The following NBEA variants were observed in gnomAD, a reference collection of about 807,000 sequenced individuals.
The protein encoded by NBEA is lysosomal-trafficking regulator 2.
In NBEA, 44 loss-of-function variants were observed where a neutral mutation model predicts 343.4. The observed-to-expected ratio is 0.13, with a 90% CI of 0.10 to 0.16. NBEA has a LOEUF of 0.16. NBEA is among the 10% of genes least tolerant of loss of function. NBEA has a pLI of 1.00. For synonymous variants in NBEA, 1,175 were observed against 1,238.7 expected (o/e 0.95, Z 1.08); for missense variants, 2,555 against 3,631.3 (o/e 0.70, Z 7.62).
chr13:35,435,355 A>G (rs915340278), intron 39 of NBEA, among the ~76,000 whole-genome samples: 2 of 152,250 alleles, frequency 1.3e-5, no homozygotes, highest in Middle Eastern at 3.4e-3. Context: ...GTAAAATTTG[A>G]CTGGGGTCCA....
At chr13:34,975,737 A>G (rs920282762) in intron 1 of NBEA, among the ~76,000 whole-genome samples, 5 of 152,220 alleles carry the variant, frequency 3.3e-5, no homozygotes, top group African/African-American at 1.2e-4. Flanking sequence ...GCAAGAAAAA[A>G]AAAATCCCAT....
At chr13:35,346,223 C>A (rs1424475275) in intron 36 of NBEA, among the ~76,000 whole-genome samples, 1 of 152,074 alleles carries the variant, frequency 6.6e-6, no homozygotes, top group Non-Finnish European at 1.5e-5. Flanking sequence ...TCCCTTCCTG[C>A]TGTCTCCTGT....
At chr13:34,999,381 C>G (rs1484406139) in intron 1 of NBEA, among the ~76,000 whole-genome samples, 3 of 152,014 alleles carry the variant, frequency 2.0e-5, no homozygotes, top group African/African-American at 7.2e-5. Context: ...CAGCTCTCCC[C>G]CAATACTCTC....
intron 28 of NBEA, chr13:35,179,740 A>T: frequency 1.0e-6 from 1 of 982,402 alleles, no homozygotes; most frequent in Non-Finnish European, 1.2e-6. Flanking sequence ...TTAGAAATAG[A>T]AGTATTATGG....
chr13:35,500,267 G>C (rs2076834574), intron 41 of NBEA, among the ~76,000 whole-genome samples: 1 of 152,050 alleles, frequency 6.6e-6, no homozygotes, highest in African/African-American at 2.4e-5. Context: ...ATCCAATTAG[G>C]AGTTTAACAA....
At position 35,555,123 on chromosome 13, in the gene NBEA, A is replaced by G. The variant is rs762438965; in HGVS notation, c.6922+21A>G. ...TGCAGGTAAGATGTCTCATTCTTTA[A>G]TCTAATAATATGTTTATGTTCATCA... On this transcript the variant is annotated intron_variant, in intron 44 of 58. Coordinates refer to ENST00000379939, the MANE Select transcript of NBEA (RefSeq NM_001385012.1). 4.7e-6 allele frequency: 6 copies of G among 1,282,776 alleles called. No individual in the cohort carries two copies. In the East Asian group the frequency reaches 1.4e-4, roughly 30 times the overall value. The allele number at this position is 1,282,776 out of a possible 1,614,324, so 79.5% of individuals were successfully genotyped here.
At chr13:35,160,107 T>G in intron 22 of NBEA, 75 bp downstream of exon 22, 2 of 1,273,114 alleles carry the variant, frequency 1.6e-6, no homozygotes, top group South Asian at 3.2e-5. Flanking sequence ...ACAGAGTAAT[T>G]TCTTATCAGT....
chr13:35,603,675 C>T (rs1395029106), intron 47 of NBEA, among the ~76,000 whole-genome samples: 2 of 152,150 alleles, frequency 1.3e-5, no homozygotes, highest in Non-Finnish European at 2.9e-5. Context: ...GCTTCTGTAG[C>T]CTCGTTGTAG....
intron 1 of NBEA, among the ~76,000 whole-genome samples, chr13:34,977,822 T>G (rs2060230188): frequency 1.6e-5 from 2 of 126,926 alleles, no homozygotes; most frequent in Non-Finnish European, 3.6e-5. Context: ...AATTTAAAGT[T>G]CTTTTTTTTT....
chr13:35,481,981 A>G (rs986132293), intron 41 of NBEA, among the ~76,000 whole-genome samples: 2 of 151,826 alleles, frequency 1.3e-5, no homozygotes, highest in African/African-American at 4.8e-5. Flanking sequence ...TGCTCTCATT[A>G]CTGTTTCATA....
intron 38 of NBEA, among the ~76,000 whole-genome samples, chr13:35,379,382 C>T (rs1259914739): frequency 6.6e-6 from 1 of 151,998 alleles, no homozygotes; most frequent in Admixed American, 6.6e-5. Flanking sequence ...AGCCTTTGGT[C>T]CATTGTTCTA....
At chr13:35,148,134 G>A (rs79682786) in intron 18 of NBEA, among the ~76,000 whole-genome samples, 7 of 152,214 alleles carry the variant, frequency 4.6e-5, no homozygotes, top group East Asian at 3.9e-4. Context: ...GCTGGTGTTC[G>A]GGCTCTTGAT....
intron 6 of NBEA, among the ~76,000 whole-genome samples, chr13:35,052,754 T>C (rs558467613): frequency 6.6e-6 from 1 of 152,176 alleles, no homozygotes; most frequent in East Asian, 1.9e-4. Context: ...ACTTTTCTTG[T>C]AAATAAGTAC....
chr13:35,447,163 C>T (rs1199449372), intron 39 of NBEA, among the ~76,000 whole-genome samples: 1 of 152,052 alleles, frequency 6.6e-6, no homozygotes, highest in Non-Finnish European at 1.5e-5. Context: ...TGCCTTGATC[C>T]TGTGGCCATT....
intron 31 of NBEA, 53 bp from the exon 32 acceptor site, chr13:35,208,647 T>A: frequency 6.9e-7 from 1 of 1,445,990 alleles, no homozygotes; most frequent in African/African-American, 1.4e-5. Context: ...AGCAGGATTA[T>A]AATTCATCTT....
rs551647890 is a variant in NBEA, at chr13:35,529,755, C to T, written c.6586-20722C>T. ...ATAGACAGGGCCCAAGCTGTCATGT[C>T]CTCAGTGGGTTGTATTTATTTATAA... On this transcript the variant is annotated intron_variant, in intron 41 of 58. Transcript: ENST00000379939. Among the ~76,000 whole-genome samples the T allele has an allele frequency of 2.0e-5, 3 of 152,294 alleles. No individual in the cohort carries two copies. In the East Asian group the frequency reaches 5.8e-4, roughly 29 times the overall value.
intron 36 of NBEA, among the ~76,000 whole-genome samples, chr13:35,313,168 C>T (rs1327304678): frequency 6.6e-6 from 1 of 152,166 alleles, no homozygotes; most frequent in Non-Finnish European, 1.5e-5. Context: ...TTTGAGGAAT[C>T]AGCTTAAATG....
chr13:35,221,218 C>G (rs2074347984), intron 33 of NBEA, among the ~76,000 whole-genome samples: 1 of 151,954 alleles, frequency 6.6e-6, no homozygotes, highest in African/African-American at 2.4e-5. Flanking sequence ...GTGGTGAGTG[C>G]CTGTAATCCC....
chr13:35,596,515 C>T (rs1260190097), intron 47 of NBEA, among the ~76,000 whole-genome samples: 2 of 152,104 alleles, frequency 1.3e-5, no homozygotes, highest in Non-Finnish European at 2.9e-5. Flanking sequence ...CTATTAATGT[C>T]AGTCTCTTCC....
Sources: allele counts gnomAD v4.1 joint callset (sites outside exome capture counted in the v4.1 genomes callset), GRCh38; gene constraint gnomAD v4.1.1; transcripts MANE v1.5; gene names NCBI Gene and HGNC (gene_info 2026-07-23, HGNC 2026-07-21).